ABTB2: variants seen among roughly 807,000 people sequenced by gnomAD.
The protein encoded by ABTB2 is ankyrin repeat and BTB domain containing 2.
Under a neutral mutation model 104.1 loss-of-function variants are expected in ABTB2, and 56 were observed. That is an observed-to-expected ratio of 0.54 (90% CI 0.43 to 0.67). The LOEUF is 0.67. ABTB2 is among the 30% of genes least tolerant of loss of function. The pLI, the probability that ABTB2 is intolerant of heterozygous loss-of-function variation, is 0.00. For synonymous variants in ABTB2, 606 were observed against 608.2 expected, an observed-to-expected ratio of 1.00 and a Z score of 0.05; for missense variants, 1,279 against 1,407.7, an observed-to-expected ratio of 0.91 and a Z score of 1.46.
chr11:34,252,431 A>T lies in ABTB2; in HGVS notation c.884-47741T>A, dbSNP rs1192245348. ...ACTGCTTAACCAGCCCTCCTCAGTC[A>T]CAGGGGGAGAGTGCCATCTGGACAT... On this transcript the variant is annotated intron_variant, in intron 1 of 16. Transcript: ENST00000435224. This position sits in a 1 kb window ranked among gnomAD's most constrained non-coding sequence, Gnocchi z 5.5. Among the ~76,000 whole-genome samples, 4 of 152,132 alleles carry T rather than the reference A, an allele frequency of 2.6e-5. No individual in the cohort carries two copies. The highest frequency in any genetic ancestry group is 7.2e-5 in the African/African-American group (3 of 41,428).
chr11:34,152,135 T>G lies in ABTB2; in HGVS notation c.*252A>C. 1 of 511,968 alleles carries G rather than the reference T, an allele frequency of 2.0e-6. No individual in the cohort carries two copies. The highest frequency in any genetic ancestry group is 3.5e-6 in the Non-Finnish European group (1 of 281,746). 31.7% of individuals were successfully genotyped at this position (511,968 alleles called of 1,614,324 possible). A position where few individuals can be genotyped will look rare whatever the true frequency, so the allele number is the denominator to read the frequency against. Reference sequence around the variant, plus strand: ...ACCCCGGGGGAGTGCATGGCTGCCCTTGAGTTGCAAACTGAGATGGGGAGG... The same window carrying G: ...ACCCCGGGGGAGTGCATGGCTGCCCGTGAGTTGCAAACTGAGATGGGGAGG... On this transcript the variant is annotated 3_prime_UTR_variant, in exon 17 of 17. Transcript: ENST00000435224.
intron 1 of ABTB2, among the ~76,000 whole-genome samples, chr11:34,320,496 T>G (rs541409163): frequency 2.8e-4 from 43 of 152,244 alleles, no homozygotes; most frequent in Non-Finnish European, 5.6e-4. Context: ...CCTCCACAGG[T>G]GTACAGAGAT....
intron 4 of ABTB2, among the ~76,000 whole-genome samples, chr11:34,171,632 C>A (rs530358032): frequency 6.6e-6 from 1 of 152,300 alleles, no homozygotes; most frequent in African/African-American, 2.4e-5. Context: ...GTTGCTTCAA[C>A]TGGCAGAAAA....
chr11:34,339,724 T>A (rs1855239657), intron 1 of ABTB2, among the ~76,000 whole-genome samples: 1 of 152,148 alleles, frequency 6.6e-6, no homozygotes, highest in African/African-American at 2.4e-5. Context: ...GTAACAATGG[T>A]GATGAAAATT....
chr11:34,355,976 G>A (rs2133132397), intron 1 of ABTB2, among the ~76,000 whole-genome samples: 1 of 152,308 alleles, frequency 6.6e-6, no homozygotes, highest in African/African-American at 2.4e-5. Flanking sequence ...TTAATACAAT[G>A]CAAGGTTTTA....
At chr11:34,190,272 C>CCAAA (rs575570208) in intron 3 of ABTB2, among the ~76,000 whole-genome samples, 1 of 115,122 alleles carries the variant, frequency 8.7e-6, no homozygotes, top group Non-Finnish European at 1.7e-5. Flanking sequence ...GCTGCCCCCC[C>CCAAA]AAAAAAAAAA....
chr11:34,168,084 G>T lies in ABTB2; in HGVS notation c.1564-92C>A, dbSNP rs1852826561. On this transcript the variant is annotated intron_variant, in intron 5 of 16. Coordinates refer to ENST00000435224, the MANE Select transcript of ABTB2 (RefSeq NM_145804.3). ...CTCTGCCCCAGAAACCACAGATCGG[G>T]CACCCCGCCACCCCAGCCGAGCATC... 3.0e-5 allele frequency: 39 copies of T among 1,295,082 alleles called. No individual in the cohort carries two copies. The South Asian group carries it at 3.5e-4, about 12-fold the overall frequency. The allele number at this position is 1,295,082 out of a possible 1,614,324, so 80.2% of individuals were successfully genotyped here.
chr11:34,171,401 CCT>C (rs1852872324), intron 4 of ABTB2, among the ~76,000 whole-genome samples: 1 of 152,050 alleles, frequency 6.6e-6, no homozygotes, highest in African/African-American at 2.4e-5. Context: ...ATGGTGAAAC[CCT>C]GTCTCTACTC....
At chr11:34,236,582 G>A (rs936234984) in intron 1 of ABTB2, among the ~76,000 whole-genome samples, 9 of 152,086 alleles carry the variant, frequency 5.9e-5, no homozygotes, top group African/African-American at 1.7e-4. Flanking sequence ...ATGCCTCCCC[G>A]GCACCCCCTC....
intron 3 of ABTB2, among the ~76,000 whole-genome samples, chr11:34,192,254 C>A (rs1247253463): frequency 6.6e-6 from 1 of 152,176 alleles, no homozygotes; most frequent in Non-Finnish European, 1.5e-5. Flanking sequence ...GATTGTGCCA[C>A]TGCACTCCAG....
chr11:34,332,668 G>C (rs1018349091), intron 1 of ABTB2, among the ~76,000 whole-genome samples: 1 of 152,180 alleles, frequency 6.6e-6, no homozygotes, highest in Non-Finnish European at 1.5e-5. Context: ...CAGGGGAGTT[G>C]GTCCAGCCTA....
At chr11:34,236,132 G>T (rs879692467) in intron 1 of ABTB2, among the ~76,000 whole-genome samples, 9 of 152,162 alleles carry the variant, frequency 5.9e-5, no homozygotes, top group Non-Finnish European at 8.8e-5. Context: ...ATTCTTGTTG[G>T]CAGAGGGAGA....
At chr11:34,260,108 C>T (rs1854171224) in intron 1 of ABTB2, among the ~76,000 whole-genome samples, 1 of 152,092 alleles carries the variant, frequency 6.6e-6, no homozygotes, top group African/African-American at 2.4e-5. Flanking sequence ...TACGCCTGGC[C>T]TAAATGAAAA....
At chr11:34,217,176 C>T (rs1221723579) in intron 1 of ABTB2, among the ~76,000 whole-genome samples, 1 of 152,254 alleles carries the variant, frequency 6.6e-6, no homozygotes, top group Non-Finnish European at 1.5e-5. Context: ...CTGCTGTAAA[C>T]TGCCACTTCA....
chr11:34,159,832 C>T (rs1412039316), intron 13 of ABTB2, 74 bp downstream of exon 13: 2 of 1,245,728 alleles, frequency 1.6e-6, no homozygotes, highest in Non-Finnish European at 2.3e-6. Context: ...GCGAGTCACT[C>T]TCTGTCACCT....
chr11:34,166,486 C>T (rs1255422236), intron 7 of ABTB2, among the ~76,000 whole-genome samples: 1 of 152,218 alleles, frequency 6.6e-6, no homozygotes, highest in Non-Finnish European at 1.5e-5. Flanking sequence ...ATGTGGTGGC[C>T]AGTGGGTAAC....
At chr11:34,277,166 T>C (rs1387799008) in intron 1 of ABTB2, among the ~76,000 whole-genome samples, 10 of 152,198 alleles carry the variant, frequency 6.6e-5, no homozygotes, top group Non-Finnish European at 1.5e-4. Flanking sequence ...CCTCTCAAAG[T>C]GCTGGGATTA....
In ABTB2 at chr11:34,154,326, T is replaced by G. The variant is rs763189046; in HGVS notation, c.2819A>C (p.Glu940Ala). Residue 940 changes from glutamate to alanine, a missense_variant, in exon 16 of 17, where the codon GAG becomes GCG. Glu to Ala is a moderately radical substitution (Grantham distance 107, BLOSUM62 -1). Coordinates refer to ENST00000435224, the MANE Select transcript of ABTB2 (RefSeq NM_145804.3). The surrounding 1 kb of genome is among the most constrained non-coding windows in gnomAD (Gnocchi z 4.9). ...GCTGAGGGTCTGGGAGCACAGGATC[T>G]CGCAGTGCCTCTGCAGGGCATCCAG... The part of the protein sequence containing the change: ...FQLDALQRHC[E>A]ILCSQTLSME... The G allele has an allele frequency of 1.1e-5, 17 of 1,613,928 alleles. No individual in the cohort carries two copies. Among genetic ancestry groups the G allele is most frequent in the Non-Finnish European group, 1.4e-5 (16 of 1,179,988 alleles).
At chr11:34,157,458 G>A (rs1015325916) in intron 14 of ABTB2, among the ~76,000 whole-genome samples, 12 of 152,188 alleles carry the variant, frequency 7.9e-5, no homozygotes, top group African/African-American at 2.4e-4. Context: ...GACTGAGCCC[G>A]CACAGGTCCC....
Sources: gnomAD v4.1 joint callset for allele counts (sites outside exome capture counted in the v4.1 genomes callset) on GRCh38, gnomAD v4.1.1 for gene constraint, Gnocchi (gnomAD v3.1) non-coding constraint, MANE v1.5 for transcripts, NCBI Gene and HGNC (gene_info 2026-07-23, HGNC 2026-07-21) for gene names.